Variants in OGT observed in about 807,000 individuals in gnomAD.
The protein encoded by OGT is O-linked N-acetylglucosamine (GlcNAc) transferase.
OGT carries 3 observed loss-of-function variants against 75.8 expected under a neutral mutation model. That is an observed-to-expected ratio of 0.04 (90% confidence interval 0.02 to 0.10). The LOEUF (loss-of-function observed/expected upper bound fraction) is 0.10, where lower values mean the gene tolerates loss of function less well. Ranked by LOEUF, OGT falls within the 10% of genes least tolerant of loss-of-function variation. The probability of loss-of-function intolerance (pLI) is 1.00; values close to 1 mark genes in which losing one functional copy is unlikely to be tolerated. For synonymous variants in OGT, 257 were observed against 289.7 expected (o/e 0.89, Z 1.15); for missense variants, 260 against 824.4 (o/e 0.32, Z 8.38).
intron 3 of OGT, among the ~76,000 whole-genome samples, chrX:71,540,117 C>G (rs2040207184): frequency 8.9e-6 from 1 of 112,499 alleles, no homozygotes; most frequent in Non-Finnish European, 1.9e-5. Flanking sequence ...TATGTTTCTT[C>G]TAGTGGAAGG....
At chrX:71,555,675 A>G (rs2040338040) in intron 7 of OGT, 1 of 397,471 alleles carries the variant, frequency 2.5e-6, no homozygotes, top group African/African-American at 2.5e-5. Flanking sequence ...GTGGGCCATG[A>G]TTGTGCCACA....
chrX:71,570,036 T>A (rs1602157629), intron 21 of OGT, among the ~76,000 whole-genome samples: 1 of 17,872 alleles, frequency 5.6e-5, no homozygotes, highest in Admixed American at 4.3e-4. Flanking sequence ...GCCTGGCGTT[T>A]TTTTTTTTTT....
Position 71,539,276 on chromosome X carries a change from T to A in OGT, c.462+1204T>A, listed in dbSNP as rs1049706615. On this transcript the variant is annotated intron_variant, in intron 3 of 21. Coordinates refer to ENST00000373719, the MANE Select transcript of OGT (RefSeq NM_181672.3). ...TTGTTCAAAGATCCGAAGTCACTTC[T>A]CATGATGATATCTATTAACAATTTT... Among the ~76,000 whole-genome samples the A allele has an allele frequency of 8.0e-5, 9 of 112,979 alleles. No individual in the cohort carries two copies. The Admixed American group carries it at 8.4e-4, about 11-fold the overall frequency.
Position 71,562,847 on chromosome X carries a change from G to A in OGT, c.1978G>A (p.Ala660Thr). 3.4e-6 allele frequency: 4 copies of A among 1,180,483 alleles called. No homozygotes were observed. Among genetic ancestry groups the A allele is most frequent in the Non-Finnish European group, 4.6e-6 (4 of 876,128 alleles). ...CAGTTTTTGATCTGATTTTTTTAAG[G>A]CAATGTGGCTGGGATACCCTGGGAC... ...LFALRPAPIQ[A>T]MWLGYPGTSG... The change falls in exon 16 of 22, where the codon GCA becomes ACA. Residue 660 changes from alanine to threonine, a missense_variant and splice_region_variant. Ala to Thr is a moderately conservative substitution (Grantham distance 58). This residue lies in a region of OGT where 99 missense variants were observed against 417.9 expected (regional missense o/e 0.24). Transcript: ENST00000373719.
At chrX:71,564,217 T>C (rs747662909) in intron 18 of OGT, among the ~76,000 whole-genome samples, 46 of 112,037 alleles carry the variant, frequency 4.1e-4, no homozygotes, top group Non-Finnish European at 7.3e-4. Flanking sequence ...TAATTATGTA[T>C]GTAGAAGCTC....
intron 5 of OGT, among the ~76,000 whole-genome samples, chrX:71,548,637 TA>T (rs1242137574): frequency 2.7e-5 from 3 of 111,655 alleles, no homozygotes; most frequent in African/African-American, 9.8e-5. Flanking sequence ...TGGAGTTTAT[TA>T]TCTTAAGTGA....
At chrX:71,544,115 T>A (rs1049075656) in intron 3 of OGT, among the ~76,000 whole-genome samples, 2 of 110,441 alleles carry the variant, frequency 1.8e-5, no homozygotes, top group African/African-American at 6.6e-5. Flanking sequence ...GTGACTGACA[T>A]TTGGGGAGGA....
At chrX:71,572,464 G>C (rs1011836104) in intron 21 of OGT, among the ~76,000 whole-genome samples, 2 of 112,539 alleles carry the variant, frequency 1.8e-5, no homozygotes, top group Admixed American at 9.4e-5. Flanking sequence ...TACTGCTTCT[G>C]TCACAACAAA....
intron 3 of OGT, 133 bp downstream of exon 3, chrX:71,538,205 T>C: frequency 2.8e-6 from 2 of 706,320 alleles, no homozygotes; most frequent in Non-Finnish European, 4.1e-6. Flanking sequence ...GTACTTAAAA[T>C]GGTGAAATTG....
intron 1 of OGT, among the ~76,000 whole-genome samples, chrX:71,533,959 C>G (rs762375666): frequency 2.7e-5 from 3 of 111,645 alleles, no homozygotes; most frequent in African/African-American, 9.8e-5. Flanking sequence ...TTCGGTTGAG[C>G]GGTCCCGGTT....
chrX:71,557,329 G>A (rs1415131858), intron 11 of OGT, 33 bp downstream of exon 11: 2 of 1,111,421 alleles, frequency 1.8e-6, no homozygotes, highest in Admixed American at 2.4e-5. Context: ...TTGGCTCTCA[G>A]TGTTGTAATA....
rs184059410 is a variant in OGT, at chrX:71,575,783, T to G, written c.*1989T>G. On this transcript the variant is annotated 3_prime_UTR_variant, in exon 22 of 22. Coordinates refer to ENST00000373719, the MANE Select transcript of OGT (RefSeq NM_181672.3). ...TATAGATATTACTGGAAACTAATTG[T>G]TTTTTTTCTATTGTACTCTGCTTTA... 88 of 112,219 alleles carry G rather than the reference T, an allele frequency of 7.8e-4. No homozygotes were observed. The highest frequency in any genetic ancestry group is 2.7e-3 in the African/African-American group (84 of 30,863). The allele number at this position is 112,219 out of a possible 1,213,427, so 9.2% of individuals were successfully genotyped here. A position where few individuals can be genotyped will look rare whatever the true frequency, so the allele number is the denominator to read the frequency against.
At chrX:71,564,882 T>A in intron 19 of OGT, 129 bp downstream of exon 19, 2 of 478,017 alleles carry the variant, frequency 4.2e-6, no homozygotes, top group Non-Finnish European at 6.7e-6. Flanking sequence ...TTTGGCTGGG[T>A]GCAGTGGCTC....
At chrX:71,542,286 G>C (rs973519760) in intron 3 of OGT, among the ~76,000 whole-genome samples, 3 of 111,874 alleles carry the variant, frequency 2.7e-5, no homozygotes, top group Non-Finnish European at 3.8e-5. Flanking sequence ...TGGGAGAATG[G>C]TGGTGCCCGT....
intron 21 of OGT, among the ~76,000 whole-genome samples, chrX:71,568,805 G>A (rs1472648328): frequency 9.4e-6 from 1 of 106,815 alleles, no homozygotes; most frequent in African/African-American, 3.4e-5. Context: ...TCCAGCCTGG[G>A]TGACATAGTG....
At chrX:71,567,960 T>G (rs778309251) in intron 20 of OGT, 33 bp from the exon 21 acceptor site, 23 of 1,193,491 alleles carry the variant, frequency 1.9e-5, no homozygotes, top group Non-Finnish European at 2.3e-6. Flanking sequence ...TTTTACGTTC[T>G]CAGATGTGCA....
In OGT at chrX:71,533,155, G is replaced by C. The variant is rs914569178; in HGVS notation, c.-145G>C. The C allele has an allele frequency of 3.7e-6, 2 of 543,729 alleles. No homozygotes were observed. Among genetic ancestry groups the C allele is most frequent in the Admixed American group, 5.6e-5 (2 of 35,575 alleles). 44.8% of individuals were successfully genotyped at this position (543,729 alleles called of 1,213,427 possible). A position where few individuals can be genotyped will look rare whatever the true frequency, so the allele number is the denominator to read the frequency against. The stretch of plus-strand genomic sequence containing the variant: ...TCAATTAGAGTTCCCAGGGTTTGAA[G>C]CCTGTAACTGCTGCCGCCGCTCAAG... On this transcript the variant is annotated 5_prime_UTR_variant, in exon 1 of 22. Coordinates refer to ENST00000373719, the MANE Select transcript of OGT (RefSeq NM_181672.3).
At chrX:71,538,951 C>T (rs955877954) in intron 3 of OGT, among the ~76,000 whole-genome samples, 1 of 111,788 alleles carries the variant, frequency 8.9e-6, no homozygotes, top group Non-Finnish European at 1.9e-5. Flanking sequence ...TTAATCCTCA[C>T]AATAATTCTT....
At chrX:71,567,397 A>G (rs2040423423) in intron 19 of OGT, 103 bp from the exon 20 acceptor site, 1 of 669,393 alleles carries the variant, frequency 1.5e-6, no homozygotes, top group Non-Finnish European at 2.1e-6. Context: ...TTCTATCTGG[A>G]TGGAAAGAAT....
Sources: allele counts gnomAD v4.1 joint callset (sites outside exome capture counted in the v4.1 genomes callset), GRCh38; gene constraint gnomAD v4.1.1; regional missense constraint gnomAD v4.1.1; transcripts MANE v1.5; gene names NCBI Gene and HGNC (gene_info 2026-07-23, HGNC 2026-07-21).